KCNH2: variants seen among roughly 807,000 people sequenced by gnomAD.
The protein encoded by KCNH2 is potassium voltage-gated channel subfamily H member 2, also known as voltage-gated inwardly rectifying potassium channel KCNH2.
A neutral mutation model predicts 95.9 loss-of-function variants in KCNH2; 35 were observed. The observed-to-expected ratio is 0.37, with a 90% CI of 0.28 to 0.48. The LOEUF is 0.48. KCNH2 is among the 20% of genes least tolerant of loss of function. KCNH2 has a pLI of 0.99. For synonymous variants in KCNH2, 786 were observed against 754.7 expected, an observed-to-expected ratio of 1.04 and a Z score of -0.68; for missense variants, 1,274 against 1,702.9, an observed-to-expected ratio of 0.75 and a Z score of 4.43.
At chr7:150,972,855 C>T (rs1801875929) in intron 2 of KCNH2, among the ~76,000 whole-genome samples, 2 of 152,184 alleles carry the variant, frequency 1.3e-5, no homozygotes, top group Non-Finnish European at 2.9e-5. Flanking sequence ...CCAGAAGGGG[C>T]CAGCCTAGAC....
chr7:150,947,929 G>GGGGGCGAGGGTGGAGGAGGGGACA (rs1800979218), intron 11 of KCNH2, 51 bp from the exon 12 acceptor site: 1 of 1,513,530 alleles, frequency 6.6e-7, no homozygotes, highest in Non-Finnish European at 8.8e-7. Context: ...ACAGAGAGGA[G>GGGGGCGAGGGTGGAGGAGGGGACA]GGGGCGAGGG....
chr7:150,958,562 G>A lies in KCNH2; in HGVS notation c.473-60C>T, dbSNP rs1801468202. ...CGCGAGCAGCCCCGGAGCGGGCAAG[G>A]CCTGGGAAATGGACCCCCAGCCGCT... On this transcript the variant is annotated intron_variant, in intron 3 of 14. Coordinates refer to ENST00000262186, the MANE Select transcript of KCNH2 (RefSeq NM_000238.4). 3 of 1,395,680 alleles carry A rather than the reference G, an allele frequency of 2.1e-6. No individual in the cohort carries two copies. The Admixed American group carries it at 8.7e-5, about 40-fold the overall frequency. The allele number at this position is 1,395,680 out of a possible 1,614,324, so 86.5% of individuals were successfully genotyped here.
chr7:150,974,659 C>A, intron 2 of KCNH2, 52 bp downstream of exon 2: 4 of 1,422,810 alleles, frequency 2.8e-6, no homozygotes, highest in Non-Finnish European at 3.9e-6. Flanking sequence ...GCCGTGGTCC[C>A]GCCCCTCTTG....
intron 2 of KCNH2, among the ~76,000 whole-genome samples, chr7:150,969,606 A>T (rs1218980011): frequency 6.6e-6 from 1 of 152,204 alleles, no homozygotes; most frequent in Non-Finnish European, 1.5e-5. Flanking sequence ...GGCTCCTGCA[A>T]CGCAGCACAC....
rs866768546 is a variant in KCNH2 at position 150,947,790 on chromosome 7, C to A, written c.2781G>T (p.Trp927Cys). The A allele has an allele frequency of 2.0e-6, 3 of 1,534,312 alleles. No homozygotes were observed. The highest frequency in any genetic ancestry group is 2.4e-5 in the East Asian group (1 of 40,820). Residue 927 changes from tryptophan to cysteine, a missense_variant, in exon 12 of 15, where the codon TGG becomes TGT. Trp to Cys is a radical substitution (Grantham distance 215). Coordinates refer to ENST00000262186, the MANE Select transcript of KCNH2 (RefSeq NM_000238.4). ...AGGGGCCACTGGACGGGCTCTCCCC[C>A]CACGGCCCCCCCGGCCGGCCCCGGC... Reference protein sequence around the residue: ...PSSRGRPGGPWGESPSSGPSS... With the variant: ...PSSRGRPGGPCGESPSSGPSS...
rs761585108 is a variant in KCNH2, at chr7:150,947,640, G to A, written c.2931C>T (p.Cys977=). 1.4e-5 allele frequency: 23 copies of A among 1,612,014 alleles called. No homozygotes were observed. In the African/African-American group the frequency reaches 1.6e-4, roughly 11 times the overall value. Residue 977 remains cysteine (C), a synonymous_variant, in exon 12 of 15, where the codon TGC becomes TGT. Coordinates refer to ENST00000262186, the MANE Select transcript of KCNH2 (RefSeq NM_000238.4). ...PPGGEPLMED[C]EKSSDTCNPL... Reference sequence around the variant, plus strand: ...GGTTGCAAGTGTCGCTGCTCTTCTCGCAGTCCTCCATCAGGGGCTCCCCAC... The same window carrying A: ...GGTTGCAAGTGTCGCTGCTCTTCTCACAGTCCTCCATCAGGGGCTCCCCAC...
chr7:150,972,271 C>G (rs1801859593), intron 2 of KCNH2, among the ~76,000 whole-genome samples: 8 of 152,242 alleles, frequency 5.3e-5, no homozygotes, highest in Admixed American at 5.2e-4. Flanking sequence ...CCAGCTCCCC[C>G]TACCCGAGGC....
rs778362419 is a variant in KCNH2, at chr7:150,958,396, G to A, written c.579C>T (p.Ala193=). 9.6e-6 allele frequency: 14 copies of A among 1,453,166 alleles called. No individual in the cohort carries two copies. The highest frequency in any genetic ancestry group is 8.0e-5 in the Admixed American group (3 of 37,354). 90.0% of individuals were successfully genotyped at this position (1,453,166 alleles called of 1,614,324 possible). The part of the protein sequence containing the change: ...GGAGGAGAPG[A]VVVDVDLTPA... ...GCGTCAGGTCCACGTCCACCACCAC[G>A]GCCCCCGGGGCGCCCGCGCCGCCCG... Residue 193 remains alanine, a synonymous_variant, in exon 4 of 15, where the codon GCC becomes GCT. Transcript: ENST00000262186.
intron 11 of KCNH2, 107 bp from the exon 12 acceptor site, chr7:150,947,985 G>A (rs1800983667): frequency 7.6e-7 from 1 of 1,324,178 alleles, no homozygotes; most frequent in African/African-American, 1.5e-5. Flanking sequence ...TGGGCAGGAA[G>A]CCCTGGTTTG....
chr7:150,968,421 A>G (rs1801759101), intron 2 of KCNH2, among the ~76,000 whole-genome samples: 1 of 152,236 alleles, frequency 6.6e-6, no homozygotes, highest in Non-Finnish European at 1.5e-5. Flanking sequence ...GCACCTACAG[A>G]CTAGATGTCG....
At chr7:150,972,277 G>A (rs1381381441) in intron 2 of KCNH2, among the ~76,000 whole-genome samples, 3 of 152,226 alleles carry the variant, frequency 2.0e-5, no homozygotes, top group Non-Finnish European at 2.9e-5. Context: ...CCCCCTACCC[G>A]AGGCTGGCCC....
rs965755600 is a variant in KCNH2, at chr7:150,948,675, C to A, written c.2593-132G>T. 37 of 1,090,084 alleles carry A rather than the reference C, an allele frequency of 3.4e-5. No homozygotes were observed. In the Admixed American group the frequency reaches 5.0e-4, roughly 15 times the overall value. 67.5% of individuals were successfully genotyped at this position (1,090,084 alleles called of 1,614,324 possible). On this transcript the variant is annotated intron_variant, in intron 10 of 14. Coordinates refer to ENST00000262186, the MANE Select transcript of KCNH2 (RefSeq NM_000238.4). Reference sequence around the variant, plus strand: ...GCTCTGGGAAAACCCTTCCCTGCCCCCAATGTGATTTTGCCCCAGGCAAAG... The same window carrying A: ...GCTCTGGGAAAACCCTTCCCTGCCCACAATGTGATTTTGCCCCAGGCAAAG...
Position 150,948,425 on chromosome 7 carries a change from C to CAACA in KCNH2, c.2692+18_2692+19insTGTT. 15 of 1,436,840 alleles carry CAACA rather than the reference C, an allele frequency of 1.0e-5. No homozygotes were observed. Among genetic ancestry groups the CAACA allele is most frequent in the Non-Finnish European group, 1.5e-5 (15 of 1,033,414 alleles). The allele number at this position is 1,436,840 out of a possible 1,614,324, so 89.0% of individuals were successfully genotyped here. On this transcript the variant is annotated intron_variant, in intron 11 of 14. Coordinates refer to ENST00000262186, the MANE Select transcript of KCNH2 (RefSeq NM_000238.4). ...CACCTTGTCCCCGCCCTCCCCCTTC[C>CAACA]TCCCCTCCCCCGCCTCACCCTTGTC...
intron 5 of KCNH2, among the ~76,000 whole-genome samples, chr7:150,953,635 C>T (rs1441645330): frequency 4.6e-5 from 7 of 152,352 alleles, no homozygotes; most frequent in Middle Eastern, 3.4e-3. Context: ...CAGAGGCAGG[C>T]TGGCCATCCG....
intron 7 of KCNH2, 97 bp from the exon 8 acceptor site, chr7:150,951,217 C>G: frequency 8.6e-7 from 1 of 1,158,052 alleles, no homozygotes; most frequent in Non-Finnish European, 1.2e-6. Flanking sequence ...GTGTCTCAGT[C>G]TCAGCGTCGA....
At chr7:150,960,120 C>T (rs1285213623) in intron 2 of KCNH2, among the ~76,000 whole-genome samples, 3 of 150,610 alleles carry the variant, frequency 2.0e-5, no homozygotes, top group Non-Finnish European at 2.9e-5. Flanking sequence ...TCAAGCGAGG[C>T]GCTGTAGCAC....
intron 11 of KCNH2, 49 bp downstream of exon 11, chr7:150,948,395 A>G (rs1342914604): frequency 7.0e-7 from 1 of 1,429,010 alleles, no homozygotes; most frequent in Non-Finnish European, 9.5e-7. Context: ...TCCAGCTCCC[A>G]GCCTCACCTT....
intron 10 of KCNH2, 55 bp from the exon 11 acceptor site, chr7:150,948,598 T>A (rs1347399276): frequency 6.8e-7 from 1 of 1,473,766 alleles, no homozygotes; most frequent in Admixed American, 1.7e-5. Context: ...CCCACCGGGG[T>A]CAGGCCCCAA....
intron 2 of KCNH2, 100 bp downstream of exon 2, chr7:150,974,611 G>GCCC: frequency 3.8e-6 from 3 of 795,738 alleles, no homozygotes; most frequent in South Asian, 1.7e-5. Flanking sequence ...TTCTCCAGCC[G>GCCC]CCCCCACACC....
Sources: allele counts gnomAD v4.1 joint callset (sites outside exome capture counted in the v4.1 genomes callset), GRCh38; gene constraint gnomAD v4.1.1; transcripts MANE v1.5; gene names NCBI Gene and HGNC (gene_info 2026-07-23, HGNC 2026-07-21).